TMEM255B: variants seen among roughly 807,000 people sequenced by gnomAD.
TMEM255B encodes family with sequence similarity 70, member B.
Under a neutral mutation model 34.5 loss-of-function variants are expected in TMEM255B, and 35 were observed. That is an observed-to-expected ratio of 1.01 (90% CI 0.77 to 1.34). The LOEUF (loss-of-function observed/expected upper bound fraction) is 1.34, where lower values mean the gene tolerates loss of function less well. Among genes scored for constraint, TMEM255B ranks in the 40% most tolerant of loss-of-function variants. The pLI is 0.00. For synonymous variants in TMEM255B, 206 were observed against 201.2 expected (o/e 1.02, Z -0.20); for missense variants, 432 against 433.2 (o/e 1.00, Z 0.02).
At chr13:113,780,820 T>C (rs1435443554) in intron 3 of TMEM255B, among the ~76,000 whole-genome samples, 1 of 152,224 alleles carries the variant, frequency 6.6e-6, no homozygotes, top group Admixed American at 6.5e-5. Context: ...AGGGTAGCCA[T>C]AGTTAAAGAC....
chr13:113,784,677 A>G (rs1039127825), intron 3 of TMEM255B, among the ~76,000 whole-genome samples: 1 of 152,254 alleles, frequency 6.6e-6, no homozygotes, highest in Non-Finnish European at 1.5e-5. Flanking sequence ...ACTGGGGAGT[A>G]GCCCCGGCCC....
rs980659679 is a variant in TMEM255B at position 113,815,777 on chromosome 13, C to T, written c.*3874C>T. ...AAACAGAATACTACAGTGGTCCATCCACACGCGGGTCTCACCCAGCCACAG... is the reference window on the plus strand; with the variant it reads ...AAACAGAATACTACAGTGGTCCATCTACACGCGGGTCTCACCCAGCCACAG... On this transcript the variant is annotated 3_prime_UTR_variant, in exon 9 of 9. Transcript: ENST00000375353. 5 of 152,614 alleles carry T rather than the reference C, an allele frequency of 3.3e-5. No individual in the cohort carries two copies. The highest frequency in any genetic ancestry group is 1.2e-4 in the African/African-American group (5 of 41,406). 9.5% of individuals were successfully genotyped at this position (152,614 alleles called of 1,614,324 possible). A position where few individuals can be genotyped will look rare whatever the true frequency, so the allele number is the denominator to read the frequency against.
intron 8 of TMEM255B, among the ~76,000 whole-genome samples, chr13:113,807,269 T>A (rs372756517): frequency 2.8e-5 from 4 of 144,004 alleles, no homozygotes; most frequent in African/African-American, 8.0e-5. Context: ...GGGTGGTCCT[T>A]CCCGTCACAC....
chr13:113,796,180 AAC>A (rs1352263706), intron 4 of TMEM255B, among the ~76,000 whole-genome samples: 3 of 141,950 alleles, frequency 2.1e-5, no homozygotes, highest in African/African-American at 5.4e-5. Flanking sequence ...CACACCACAC[AAC>A]ACACAGAGCA....
Position 113,766,110 on chromosome 13 carries a change from C to T in TMEM255B, c.47-5C>T. ...ACTGACAGGTCCTCGCCTTCCTCCC[C>T]ACAGAAGGGCTTTCGAGGAGGAAGA... On this transcript the variant is annotated splice_polypyrimidine_tract_variant and splice_region_variant and intron_variant, in intron 1 of 8. Coordinates refer to ENST00000375353, the MANE Select transcript of TMEM255B (RefSeq NM_182614.4). The T allele has an allele frequency of 1.2e-6, 2 of 1,614,058 alleles. No individual in the cohort carries two copies. The highest frequency in any genetic ancestry group is 2.2e-5 in the East Asian group (1 of 44,878).
rs1427217055 is a variant in TMEM255B, at chr13:113,769,190, A to G, written c.252+30A>G. The G allele has an allele frequency of 2.5e-6, 4 of 1,611,906 alleles. No individual in the cohort carries two copies. The highest frequency in any genetic ancestry group is 3.4e-6 in the Non-Finnish European group (4 of 1,178,170). ...GAAAGTACATGGGGTGGTGGGGAGCATGAGTCCCTCATCAGGGGATGGTAC... is the reference window on the plus strand; with the variant it reads ...GAAAGTACATGGGGTGGTGGGGAGCGTGAGTCCCTCATCAGGGGATGGTAC... On this transcript the variant is annotated intron_variant, in intron 3 of 8. Coordinates refer to ENST00000375353, the MANE Select transcript of TMEM255B (RefSeq NM_182614.4). This position sits in a 1 kb window ranked among gnomAD's most constrained non-coding sequence, Gnocchi z 4.2.
chr13:113,776,784 T>C (rs1422819002), intron 3 of TMEM255B, among the ~76,000 whole-genome samples: 1 of 152,146 alleles, frequency 6.6e-6, no homozygotes, highest in Non-Finnish European at 1.5e-5. Flanking sequence ...CCCTTGGTTG[T>C]CTCCCATCCT....
At position 113,799,855 on chromosome 13, in the gene TMEM255B, C is replaced by T. The variant is rs369753997; in HGVS notation, c.423+436C>T. 4.3e-4 allele frequency: 355 copies of T among 823,156 alleles called. 4 individuals are homozygous for T. In the East Asian group the frequency reaches 0.011, roughly 25 times the overall value. The allele number at this position is 823,156 out of a possible 1,614,324, so 51.0% of individuals were successfully genotyped here. ...CGGGGAGTAATGACCCGCGGGCGGC[C>T]GCCGCCTTCGCCAGGACCGTCGGAG... On this transcript the variant is annotated intron_variant, in intron 5 of 8. Transcript: ENST00000375353.
intron 4 of TMEM255B, among the ~76,000 whole-genome samples, chr13:113,796,623 G>A (rs542371121): frequency 1.3e-5 from 2 of 152,142 alleles, no homozygotes; most frequent in East Asian, 1.9e-4. Flanking sequence ...CCAAGGAATC[G>A]TTTCTGTGTC....
At chr13:113,765,188 G>A (rs917827895) in intron 1 of TMEM255B, among the ~76,000 whole-genome samples, 2 of 152,228 alleles carry the variant, frequency 1.3e-5, no homozygotes, top group Admixed American at 6.5e-5. Context: ...AAGGAAGGCC[G>A]TGACCAAGGC....
At chr13:113,786,315 C>T (rs542809579) in intron 3 of TMEM255B, among the ~76,000 whole-genome samples, 1 of 151,632 alleles carries the variant, frequency 6.6e-6, no homozygotes, top group Non-Finnish European at 1.5e-5. Flanking sequence ...GTCACCTTCC[C>T]CACTGTCATC....
At chr13:113,804,045 G>T (rs1051160642) in intron 7 of TMEM255B, among the ~76,000 whole-genome samples, 3 of 152,166 alleles carry the variant, frequency 2.0e-5, no homozygotes, top group Non-Finnish European at 4.4e-5. Context: ...GGGGGTGGGG[G>T]CTGGGGAAGG....
intron 3 of TMEM255B, among the ~76,000 whole-genome samples, chr13:113,774,606 C>CACAATACACACCACATAT (rs1566724148): frequency 2.7e-5 from 4 of 147,164 alleles, no homozygotes; most frequent in Non-Finnish European, 3.0e-5. Flanking sequence ...AAATGACACA[C>CACAATACACACCACATAT]ACCACACAAT....
At chr13:113,767,109 C>G (rs1288385741) in intron 2 of TMEM255B, among the ~76,000 whole-genome samples, 1 of 152,192 alleles carries the variant, frequency 6.6e-6, no homozygotes, top group African/African-American at 2.4e-5. Context: ...TCTCATTACT[C>G]TCACCTAAAG....
At position 113,792,453 on chromosome 13, in the gene TMEM255B, C is replaced by G. The variant is rs571830121; in HGVS notation, c.253-2695C>G. Among the ~76,000 whole-genome samples, 39 of 152,264 alleles carry G rather than the reference C, an allele frequency of 2.6e-4. 1 individual carries two copies. The highest frequency in any genetic ancestry group is 4.7e-4 in the Non-Finnish European group (32 of 68,044). On this transcript the variant is annotated intron_variant, in intron 3 of 8. Coordinates refer to ENST00000375353, the MANE Select transcript of TMEM255B (RefSeq NM_182614.4). ...CCCCAGTCCCACCGACGTGCAGCCC[C>G]CAGCACCTTCCCTGTCTCCCCTTGA...
At chr13:113,776,279 A>G (rs1391086639) in intron 3 of TMEM255B, among the ~76,000 whole-genome samples, 1 of 152,236 alleles carries the variant, frequency 6.6e-6, no homozygotes, top group Non-Finnish European at 1.5e-5. Context: ...CTGCCTGGGC[A>G]TCTGCCACGG....
chr13:113,778,036 A>C (rs2050607589), intron 3 of TMEM255B, among the ~76,000 whole-genome samples: 1 of 152,114 alleles, frequency 6.6e-6, no homozygotes, highest in Admixed American at 6.5e-5. Flanking sequence ...GGAGGGCCTG[A>C]GGGGGTGGAC....
intron 3 of TMEM255B, among the ~76,000 whole-genome samples, chr13:113,786,383 G>A (rs369225091): frequency 2.6e-5 from 4 of 151,292 alleles, no homozygotes; most frequent in South Asian, 2.1e-4. Flanking sequence ...TGTCATCACC[G>A]TCACCATCGT....
rs927649083 is a variant in TMEM255B at position 113,788,561 on chromosome 13, C to T, written c.253-6587C>T. On this transcript the variant is annotated intron_variant, in intron 3 of 8. Coordinates refer to ENST00000375353, the MANE Select transcript of TMEM255B (RefSeq NM_182614.4). ...TCTCCTCCTGCCACACGTGGCCATC[C>T]TAGTGCTGGATTTATGGCGTACACA... Among the ~76,000 whole-genome samples the T allele has an allele frequency of 2.0e-5, 3 of 152,058 alleles. No homozygotes were observed. The South Asian group carries it at 6.2e-4, about 31-fold the overall frequency.
Sources: allele counts gnomAD v4.1 joint callset (sites outside exome capture counted in the v4.1 genomes callset), GRCh38; gene constraint gnomAD v4.1.1; non-coding constraint Gnocchi (gnomAD v3.1); transcripts MANE v1.5; gene names NCBI Gene and HGNC (gene_info 2026-07-23, HGNC 2026-07-21).